CD36: variants seen among roughly 807,000 people sequenced by gnomAD.
CD36 encodes CD36 molecule (CD36 blood group).
CD36 carries 119 observed loss-of-function variants against 55.2 expected under a neutral mutation model. The ratio of observed to expected loss-of-function variants is 2.15; its 90% CI spans 1.86 to 2.51. CD36 has a LOEUF of 2.51. Ranked by LOEUF, CD36 falls within the 30% of genes most tolerant of loss-of-function variation. The pLI is 0.00. For synonymous variants in CD36, 186 were observed against 193.6 expected (o/e 0.96, Z 0.33); for missense variants, 819 against 555.5 (o/e 1.47, Z -4.77).
At chr7:80,642,886 A>G (rs1255010037) in intron 1 of CD36, among the ~76,000 whole-genome samples, 1 of 152,204 alleles carries the variant, frequency 6.6e-6, no homozygotes, top group Non-Finnish European at 1.5e-5. Flanking sequence ...GTCTAACCAT[A>G]GAATTCAACA....
Position 80,671,114 on chromosome 7 carries a change from C to CA in CD36, c.962dup (p.Asn321LysfsTer32), listed in dbSNP as rs749271701. Reference sequence around the variant, plus strand: ...TGTTTCTGCACAGAAAAAATTATCTCAAAAAATTGTACATCATATGGTGTG... The same window carrying CA: ...TGTTTCTGCACAGAAAAAATTATCTCAAAAAAATTGTACATCATATGGTGTG... On this transcript the variant is annotated frameshift_variant, in exon 10 of 15. Transcript: ENST00000447544. LOFTEE classifies it high-confidence loss of function. The CA allele has an allele frequency of 1.1e-5, 17 of 1,613,284 alleles. No individual in the cohort carries two copies. Among genetic ancestry groups the CA allele is most frequent in the Admixed American group, 3.3e-5 (2 of 59,998 alleles).
intron 8 of CD36, among the ~76,000 whole-genome samples, chr7:80,668,449 G>A (rs911325709): frequency 6.6e-6 from 1 of 152,142 alleles, no homozygotes; most frequent in Non-Finnish European, 1.5e-5. Context: ...TGTTTTCATC[G>A]TAATTTAGAA....
intron 1 of CD36, 27 bp downstream of exon 1, chr7:80,638,773 A>G (rs1794604596): frequency 6.6e-6 from 1 of 152,000 alleles, no homozygotes; most frequent in African/African-American, 2.4e-5. Context: ...TTCTTTAAAT[A>G]AAAAAGATTA....
At chr7:80,674,306 A>G (rs939180041) in intron 14 of CD36, 159 bp downstream of exon 14, 1 of 594,280 alleles carries the variant, frequency 1.7e-6, no homozygotes, top group East Asian at 2.9e-5. Flanking sequence ...TATAAATATT[A>G]TCACGCAGAT....
At chr7:80,644,292 A>G (rs1413066458) in intron 1 of CD36, among the ~76,000 whole-genome samples, 1 of 152,322 alleles carries the variant, frequency 6.6e-6, no homozygotes, top group East Asian at 1.9e-4. Context: ...GCTCAGTGAG[A>G]CAGAAAATTC....
chr7:80,673,912 A>G, intron 13 of CD36, 71 bp from the exon 14 acceptor site: 6 of 1,104,098 alleles, frequency 5.4e-6, no homozygotes, highest in Non-Finnish European at 8.2e-6. Flanking sequence ...AAAAAGGGTG[A>G]TAGGCAATTG....
chr7:80,609,944 G>A (rs948575865), intron 1 of CD36, among the ~76,000 whole-genome samples: 2 of 152,282 alleles, frequency 1.3e-5, no homozygotes, highest in East Asian at 3.9e-4. Flanking sequence ...TGTAGGCAAA[G>A]GGTTGAGGAC....
intron 4 of CD36, among the ~76,000 whole-genome samples, chr7:80,659,103 G>C (rs995425559): frequency 1.3e-5 from 2 of 152,096 alleles, no homozygotes; most frequent in Admixed American, 6.5e-5. Flanking sequence ...CACCAAAATA[G>C]TCTTTTATTG....
intron 5 of CD36, 48 bp downstream of exon 5, chr7:80,661,258 T>G (rs770071869): frequency 4.6e-6 from 7 of 1,516,750 alleles, no homozygotes; most frequent in Non-Finnish European, 6.4e-6. Context: ...ACTCTAGAAC[T>G]CATGTAATTA....
chr7:80,607,267 T>C (rs1465427062), intron 1 of CD36, among the ~76,000 whole-genome samples: 1 of 142,808 alleles, frequency 7.0e-6, no homozygotes, highest in Non-Finnish European at 1.5e-5. Context: ...GAATGGTCCT[T>C]TGAAAAAAAG....
intron 1 of CD36, among the ~76,000 whole-genome samples, chr7:80,645,421 C>T (rs1462447230): frequency 4.0e-5 from 6 of 151,538 alleles, no homozygotes; most frequent in African/African-American, 9.7e-5. Context: ...ATCACGAGGT[C>T]AGGAGTTCGA....
intron 1 of CD36, among the ~76,000 whole-genome samples, chr7:80,626,563 T>A (rs887810711): frequency 2.6e-5 from 4 of 152,054 alleles, no homozygotes; most frequent in African/African-American, 9.7e-5. Flanking sequence ...TTCTATCCAA[T>A]TAATAGATAA....
chr7:80,622,448 T>G (rs535005053), intron 1 of CD36, among the ~76,000 whole-genome samples: 1 of 152,302 alleles, frequency 6.6e-6, no homozygotes, highest in African/African-American at 2.4e-5. Context: ...AAAGCAATAC[T>G]GTCTCAAACA....
At chr7:80,639,309 T>C (rs1028508328) in intron 1 of CD36, among the ~76,000 whole-genome samples, 1 of 152,012 alleles carries the variant, frequency 6.6e-6, no homozygotes, top group African/African-American at 2.4e-5. Flanking sequence ...TTTAAGTTCT[T>C]TTCTGTAATG....
At chr7:80,663,348 T>C (rs1796714781) in intron 6 of CD36, among the ~76,000 whole-genome samples, 179 bp downstream of exon 6, 1 of 152,166 alleles carries the variant, frequency 6.6e-6, no homozygotes, top group African/African-American at 2.4e-5. Flanking sequence ...AGTTGGGAAA[T>C]TCATCTGAAT....
intron 1 of CD36, among the ~76,000 whole-genome samples, chr7:80,629,143 T>C (rs966853686): frequency 6.6e-6 from 1 of 152,020 alleles, no homozygotes; most frequent in Non-Finnish European, 1.5e-5. Flanking sequence ...AATTGAAAAC[T>C]CCAGTGTTAG....
chr7:80,666,418 A>T (rs772536456), intron 7 of CD36, 25 bp from the exon 8 acceptor site: 1 of 1,498,054 alleles, frequency 6.7e-7, no homozygotes, highest in South Asian at 1.1e-5. Flanking sequence ...AAGAATGTTT[A>T]TTCATTGTCT....
chr7:80,662,946 C>G, intron 5 of CD36, 44 bp from the exon 6 acceptor site: 1 of 1,450,690 alleles, frequency 6.9e-7, no homozygotes, highest in Non-Finnish European at 9.7e-7. Context: ...TTGTTAAAAT[C>G]TAATATTGTA....
chr7:80,610,720 G>A (rs1037464624), intron 1 of CD36, among the ~76,000 whole-genome samples: 8 of 151,748 alleles, frequency 5.3e-5, no homozygotes, highest in African/African-American at 4.8e-5. Context: ...GACTACAGGC[G>A]CCCGCCACCA....
Sources: gnomAD v4.1 joint callset for allele counts (sites outside exome capture counted in the v4.1 genomes callset) on GRCh38, gnomAD v4.1.1 for gene constraint, MANE v1.5 for transcripts, NCBI Gene and HGNC (gene_info 2026-07-23, HGNC 2026-07-21) for gene names.